TDRP: variants seen among roughly 807,000 people sequenced by gnomAD.
The protein encoded by TDRP is testis development related protein, also known as testis development-related protein.
TDRP carries 12 observed loss-of-function variants against 10.5 expected under a neutral mutation model. The ratio of observed to expected loss-of-function variants is 1.15; its 90% confidence interval spans 0.73 to 1.86. The LOEUF (loss-of-function observed/expected upper bound fraction) is 1.86, where lower values mean the gene tolerates loss of function less well. TDRP is among the 40% of genes most tolerant of loss of function. The pLI is 0.00. For missense variants in TDRP, 353 were observed against 229.2 expected (o/e 1.54, Z -3.49); for synonymous variants, 139 against 95.4 (o/e 1.46, Z -2.67).
intron 1 of TDRP, among the ~76,000 whole-genome samples, chr8:503,587 A>T (rs1318897839): frequency 1.4e-5 from 2 of 144,358 alleles, no homozygotes; most frequent in Non-Finnish European, 3.0e-5. Context: ...AAAGCCACAC[A>T]TCAGAACCTG....
intron 1 of TDRP, among the ~76,000 whole-genome samples, chr8:524,696 G>A (rs546340700): frequency 6.6e-6 from 1 of 152,144 alleles, no homozygotes; most frequent in Admixed American, 6.6e-5. Context: ...CTCAAAAGTA[G>A]AATTGATGAG....
At chr8:504,133 G>A (rs1325677194) in intron 1 of TDRP, among the ~76,000 whole-genome samples, 1 of 152,162 alleles carries the variant, frequency 6.6e-6, no homozygotes, top group Non-Finnish European at 1.5e-5. Context: ...GCCTGCCCTG[G>A]GTTCTGACCG....
At chr8:501,518 T>A (rs1456123748) in intron 1 of TDRP, among the ~76,000 whole-genome samples, 1 of 151,924 alleles carries the variant, frequency 6.6e-6, no homozygotes, top group South Asian at 2.1e-4. Flanking sequence ...AGCTAATTTT[T>A]GTATTTTTAG....
chr8:514,076 G>A (rs919076740), intron 1 of TDRP, among the ~76,000 whole-genome samples: 4 of 152,142 alleles, frequency 2.6e-5, no homozygotes, highest in Non-Finnish European at 4.4e-5. Context: ...CTGATTCTTT[G>A]TAAAAACTGA....
intron 1 of TDRP, among the ~76,000 whole-genome samples, chr8:521,187 G>C (rs1184648601): frequency 2.7e-5 from 4 of 149,808 alleles, no homozygotes; most frequent in African/African-American, 2.5e-5. Context: ...CGGATCATGA[G>C]GTCAGGAGAT....
intron 1 of TDRP, among the ~76,000 whole-genome samples, chr8:543,232 A>G (rs917095631): frequency 3.9e-5 from 6 of 152,072 alleles, no homozygotes; most frequent in Admixed American, 3.9e-4. Flanking sequence ...GAATAGCTTG[A>G]GCCCAGGCAG....
At chr8:532,285 G>A (rs1802225087) in intron 1 of TDRP, among the ~76,000 whole-genome samples, 1 of 152,182 alleles carries the variant, frequency 6.6e-6, no homozygotes, top group Non-Finnish European at 1.5e-5. Flanking sequence ...AGGATGCTGG[G>A]ACTTCAGGCT....
chr8:544,907 TAGGCCCGCCCCCTCCCCACC>T (rs1802599421), upstream of TDRP: 3 of 430,144 alleles, frequency 7.0e-6, no homozygotes, highest in Admixed American at 4.8e-5. Flanking sequence ...CCCCCAGAAC[TAGGCCCGCCCCCTCCCCACC>T]AGGCCCGCCC....
chr8:529,611 T>G (rs1802131680), intron 1 of TDRP, among the ~76,000 whole-genome samples: 1 of 152,240 alleles, frequency 6.6e-6, no homozygotes, highest in African/African-American at 2.4e-5. Flanking sequence ...TTGTTCATTT[T>G]TGAAAGATGG....
intron 1 of TDRP, among the ~76,000 whole-genome samples, chr8:533,281 A>G (rs538169118): frequency 2.0e-5 from 3 of 152,252 alleles, no homozygotes; most frequent in African/African-American, 7.2e-5. Context: ...AGCAGGTAAC[A>G]TTTCAAAGCC....
At chr8:494,419 A>T (rs910310775) in intron 2 of TDRP, 75 bp downstream of exon 2, 1 of 1,454,228 alleles carries the variant, frequency 6.9e-7, no homozygotes, top group Non-Finnish European at 9.6e-7. Context: ...TATGCCATCA[A>T]ATCTTCATTT....
intron 2 of TDRP, among the ~76,000 whole-genome samples, chr8:494,246 C>T (rs962855065): frequency 3.9e-5 from 6 of 152,202 alleles, no homozygotes; most frequent in Non-Finnish European, 4.4e-5. Context: ...CAGGCATGAG[C>T]CACCATGCCC....
chr8:511,240 C>G (rs1425431597), intron 1 of TDRP, among the ~76,000 whole-genome samples: 1 of 152,104 alleles, frequency 6.6e-6, no homozygotes, highest in Non-Finnish European at 1.5e-5. Flanking sequence ...ATAGGAGACA[C>G]ACTTTAGAAT....
chr8:541,957 A>G (rs1343866040), intron 1 of TDRP, among the ~76,000 whole-genome samples: 1 of 152,228 alleles, frequency 6.6e-6, no homozygotes, highest in Non-Finnish European at 1.5e-5. Context: ...TGATGTTTAC[A>G]GCTGGTCTAT....
chr8:539,988 A>T (rs1802450332), intron 1 of TDRP, among the ~76,000 whole-genome samples: 1 of 152,222 alleles, frequency 6.6e-6, no homozygotes, highest in Non-Finnish European at 1.5e-5. Context: ...TATGTCAAAA[A>T]TTCTGAGTTT....
intron 1 of TDRP, among the ~76,000 whole-genome samples, chr8:536,620 AAAT>A (rs1802353757): frequency 6.6e-6 from 1 of 152,254 alleles, no homozygotes; most frequent in South Asian, 2.1e-4. Context: ...AGTATGAAAA[AAAT>A]GTAAAGGATC....
In TDRP at chr8:529,984, C is replaced by T. The variant is rs188412830; in HGVS notation, c.108+14666G>A. On this transcript the variant is annotated intron_variant, in intron 1 of 2. Transcript: ENST00000324079. ...AAATAAGCTCTCTACTCCCTTTTCTCCTTTTGGGACTTCTACAATATGTAT... is the reference window on the plus strand; with the variant it reads ...AAATAAGCTCTCTACTCCCTTTTCTTCTTTTGGGACTTCTACAATATGTAT... Among the ~76,000 whole-genome samples, 225 of 152,232 alleles carry T rather than the reference C, an allele frequency of 1.5e-3. 1 individual carries two copies. Among genetic ancestry groups the T allele is most frequent in the African/African-American group, 5.0e-3 (209 of 41,540 alleles).
chr8:520,878 T>C (rs184844223), intron 1 of TDRP, among the ~76,000 whole-genome samples: 1 of 152,302 alleles, frequency 6.6e-6, no homozygotes, highest in Admixed American at 6.5e-5. Context: ...ATTTATCCCA[T>C]TCCAAACGTT....
chr8:501,544 A>C (rs1801300280), intron 1 of TDRP, among the ~76,000 whole-genome samples: 2 of 151,928 alleles, frequency 1.3e-5, no homozygotes, highest in South Asian at 4.2e-4. Flanking sequence ...ATAGGGTTTC[A>C]CTATGTTGGC....
Sources: allele counts gnomAD v4.1 joint callset (sites outside exome capture counted in the v4.1 genomes callset), GRCh38; gene constraint gnomAD v4.1.1; transcripts MANE v1.5; gene names NCBI Gene and HGNC (gene_info 2026-07-23, HGNC 2026-07-21).